Variants in PARD3 observed in about 807,000 individuals in gnomAD.
The protein encoded by PARD3 is partitioning defective 3 homolog.
In PARD3, 75 loss-of-function variants were observed where a neutral mutation model predicts 155.4. The ratio of observed to expected loss-of-function variants is 0.48; its 90% CI spans 0.40 to 0.58. PARD3 has a LOEUF of 0.58. PARD3 is among the 20% of genes least tolerant of loss of function. PARD3 has a pLI of 0.00. For synonymous variants in PARD3, 576 were observed against 610.5 expected, an observed-to-expected ratio of 0.94 and a Z score of 0.83; for missense variants, 1,642 against 1,721.7, an observed-to-expected ratio of 0.95 and a Z score of 0.82.
chr10:34,418,487 T>G (rs928578758), intron 5 of PARD3, among the ~76,000 whole-genome samples: 1 of 152,078 alleles, frequency 6.6e-6, no homozygotes, highest in Non-Finnish European at 1.5e-5. Context: ...ATTCTTTATT[T>G]TGCACATTTA....
intron 2 of PARD3, among the ~76,000 whole-genome samples, chr10:34,533,767 C>T (rs1311471183): frequency 6.6e-6 from 1 of 151,880 alleles, no homozygotes; most frequent in Non-Finnish European, 1.5e-5. Context: ...GATCGCACCA[C>T]TGCACTCCAG....
intron 5 of PARD3, among the ~76,000 whole-genome samples, chr10:34,438,419 T>C (rs545501847): frequency 3.0e-4 from 45 of 152,180 alleles, no homozygotes; most frequent in Non-Finnish European, 6.2e-4. Flanking sequence ...GGTTTACAAA[T>C]GTACATGTCT....
intron 22 of PARD3, among the ~76,000 whole-genome samples, chr10:34,134,940 C>T (rs1947814115): frequency 6.6e-6 from 1 of 152,182 alleles, no homozygotes; most frequent in Non-Finnish European, 1.5e-5. Flanking sequence ...GTGAGCTCTT[C>T]TGCCAAGAAA....
At chr10:34,630,802 GATTT>G (rs111251881) in intron 2 of PARD3, among the ~76,000 whole-genome samples, 13,558 of 146,132 alleles carry the variant, frequency 0.093, 642 homozygotes, top group East Asian at 0.11. Context: ...TCTGTAAACA[GATTT>G]ATTTATTTAT....
chr10:34,766,697 G>A (rs1016724754), intron 1 of PARD3, among the ~76,000 whole-genome samples: 4 of 137,510 alleles, frequency 2.9e-5, no homozygotes, highest in African/African-American at 1.1e-4. Context: ...AAAAAAAGCA[G>A]GGGTATAGAA....
intron 2 of PARD3, among the ~76,000 whole-genome samples, chr10:34,628,646 G>C (rs979333107): frequency 3.5e-4 from 53 of 152,376 alleles, no homozygotes; most frequent in African/African-American, 1.3e-3. Flanking sequence ...CATCACGCCT[G>C]AGAGACAGAG....
intron 7 of PARD3, among the ~76,000 whole-genome samples, chr10:34,394,515 A>G (rs1424773246): frequency 6.6e-6 from 1 of 152,050 alleles, no homozygotes; most frequent in Non-Finnish European, 1.5e-5. Flanking sequence ...TTGCAGAGAC[A>G]AGGTTTTGCC....
At chr10:34,219,795 G>T (rs1952187076) in intron 22 of PARD3, among the ~76,000 whole-genome samples, 2 of 152,060 alleles carry the variant, frequency 1.3e-5, no homozygotes, top group Non-Finnish European at 2.9e-5. Context: ...GATTTGCCTG[G>T]TACTAACTAA....
chr10:34,803,960 C>T (rs1022262920), intron 1 of PARD3, among the ~76,000 whole-genome samples: 1 of 151,942 alleles, frequency 6.6e-6, no homozygotes, highest in African/African-American at 2.4e-5. Flanking sequence ...GCTAAAATGC[C>T]ACCACCTTCC....
At chr10:34,554,372 T>C (rs1001877678) in intron 2 of PARD3, among the ~76,000 whole-genome samples, 1 of 152,236 alleles carries the variant, frequency 6.6e-6, no homozygotes, top group Non-Finnish European at 1.5e-5. Context: ...TTATATTCCA[T>C]GTTAGTAATG....
At chr10:34,313,658 G>T (rs1396001900) in intron 20 of PARD3, among the ~76,000 whole-genome samples, 2 of 152,108 alleles carry the variant, frequency 1.3e-5, no homozygotes, top group African/African-American at 4.8e-5. Flanking sequence ...TCCTCTGGTA[G>T]AGTTTTTAAA....
intron 3 of PARD3, among the ~76,000 whole-genome samples, chr10:34,472,653 A>G (rs538314260): frequency 2.6e-4 from 39 of 152,334 alleles, no homozygotes; most frequent in African/African-American, 8.9e-4. Context: ...ACCCATCTGT[A>G]TGTAAGTCTA....
intron 23 of PARD3, among the ~76,000 whole-genome samples, chr10:34,126,226 A>G (rs1947283307): frequency 6.6e-6 from 1 of 152,170 alleles, no homozygotes; most frequent in Admixed American, 6.5e-5. Flanking sequence ...TTGTGCCACA[A>G]ATCAGCTCCC....
intron 1 of PARD3, among the ~76,000 whole-genome samples, chr10:34,769,855 T>C (rs1838643271): frequency 1.8e-5 from 2 of 110,968 alleles, no homozygotes; most frequent in African/African-American, 5.5e-5. Context: ...TATACACTTT[T>C]CTCAAATTCA....
intron 20 of PARD3, among the ~76,000 whole-genome samples, chr10:34,309,547 C>CAAAAAAAAAAAAAAAA (rs1323865538): frequency 4.3e-5 from 2 of 46,648 alleles, no homozygotes; most frequent in East Asian, 7.5e-4. Context: ...GACCCTGTCT[C>CAAAAAAAAAAAAAAAA]CAAAAAAAAA....
At chr10:34,774,951 A>G (rs1316865472) in intron 1 of PARD3, among the ~76,000 whole-genome samples, 1 of 152,250 alleles carries the variant, frequency 6.6e-6, no homozygotes, top group East Asian at 1.9e-4. Context: ...GTAATAGTAG[A>G]ACCCAGTGGA....
chr10:34,418,317 G>A (rs1472081480), intron 5 of PARD3, among the ~76,000 whole-genome samples: 1 of 152,026 alleles, frequency 6.6e-6, no homozygotes, highest in Non-Finnish European at 1.5e-5. Flanking sequence ...TGAGAGTGCA[G>A]GCACTCACCA....
At chr10:34,808,106 G>A (rs1003864152) in intron 1 of PARD3, among the ~76,000 whole-genome samples, 9 of 152,280 alleles carry the variant, frequency 5.9e-5, no homozygotes, top group African/African-American at 2.2e-4. Context: ...TTGAGCTCAG[G>A]TGTTTGAGAT....
chr10:34,432,105 A>ATTTGAT (rs2075965000), intron 5 of PARD3, among the ~76,000 whole-genome samples: 1 of 150,880 alleles, frequency 6.6e-6, no homozygotes, highest in African/African-American at 2.4e-5. Flanking sequence ...AAGATAATAA[A>ATTTGAT]TTTGATTTAA....
Sources: allele counts gnomAD v4.1 joint callset (sites outside exome capture counted in the v4.1 genomes callset), GRCh38; gene constraint gnomAD v4.1.1; transcripts MANE v1.5; gene names NCBI Gene and HGNC (gene_info 2026-07-23, HGNC 2026-07-21).